The following ZNF395 variants were observed in gnomAD, a reference collection of about 807,000 sequenced individuals.
ZNF395 encodes HD gene regulatory region-binding protein 2.
ZNF395 carries 20 observed loss-of-function variants against 57.7 expected under a neutral mutation model. That is an observed-to-expected ratio of 0.35 (90% CI 0.24 to 0.50). The LOEUF is 0.50. Among genes scored for constraint, ZNF395 ranks in the 20% least tolerant of loss-of-function variants. ZNF395 has a pLI of 0.97. For synonymous variants in ZNF395, 295 were observed against 275.9 expected, an observed-to-expected ratio of 1.07 and a Z score of -0.69; for missense variants, 606 against 671.2, an observed-to-expected ratio of 0.90 and a Z score of 1.07.
Position 28,351,558 on chromosome 8 carries a change from T to A in ZNF395, c.1170A>T (p.Ser390=), listed in dbSNP as rs755417424. 1 of 1,613,714 alleles carries A rather than the reference T, an allele frequency of 6.2e-7. No homozygotes were observed. The highest frequency in any genetic ancestry group is 1.1e-5 in the South Asian group (1 of 91,074). Residue 390 remains serine (S), a synonymous_variant, in exon 7 of 10, where the codon TCA becomes TCT. Coordinates refer to ENST00000344423, the MANE Select transcript of ZNF395 (RefSeq NM_018660.3). The stretch of plus-strand genomic sequence containing the variant: ...CAGGAGCTGACTTGCTGAGAGCCCC[T>A]GAGGGCAGGGAGGACTCCGGGCCAG... ...EHPGPESSLP[S]GALSKSAPGS... is the part of the protein sequence containing the mutation.
intron 7 of ZNF395, among the ~76,000 whole-genome samples, chr8:28,351,224 A>G (rs1801678185): frequency 6.6e-6 from 1 of 152,214 alleles, no homozygotes; most frequent in Non-Finnish European, 1.5e-5. Context: ...CAGAGGTGTG[A>G]CAATTCCCCC....
At chr8:28,378,291 A>G (rs949286139) in intron 1 of ZNF395, among the ~76,000 whole-genome samples, 9 of 152,172 alleles carry the variant, frequency 5.9e-5, no homozygotes, top group African/African-American at 2.2e-4. Flanking sequence ...GTGTGCCACA[A>G]TCACGGCTCA....
At chr8:28,380,658 T>C (rs1802097823) in intron 1 of ZNF395, among the ~76,000 whole-genome samples, 2 of 152,212 alleles carry the variant, frequency 1.3e-5, no homozygotes, top group African/African-American at 4.8e-5. Flanking sequence ...CAAAAAACTG[T>C]TAAATACTTT....
At position 28,348,259 on chromosome 8, in the gene ZNF395, C is replaced by CTTTTTTTTT. The variant is rs58805614; in HGVS notation, c.*451_*459dup. 1 of 90,466 alleles carries CTTTTTTTTT rather than the reference C, an allele frequency of 1.1e-5. No individual in the cohort carries two copies. Among genetic ancestry groups the CTTTTTTTTT allele is most frequent in the African/African-American group, 4.2e-5 (1 of 23,608 alleles). The allele number at this position is 90,466 out of a possible 1,614,324, so 5.6% of individuals were successfully genotyped here. On this transcript the variant is annotated 3_prime_UTR_variant, in exon 10 of 10. Transcript: ENST00000344423. Reference sequence around the variant, plus strand: ...CTGAGTCACCCATCAGCCAGAAACTCTTTTTTTTTTTTTTTTTTTTTTTTT... The same window carrying CTTTTTTTTT: ...CTGAGTCACCCATCAGCCAGAAACTCTTTTTTTTTTTTTTTTTTTTTTTTTTTTTTTTTT...
At chr8:28,355,238 G>C (rs1280166226) in intron 4 of ZNF395, among the ~76,000 whole-genome samples, 4 of 152,078 alleles carry the variant, frequency 2.6e-5, no homozygotes, top group African/African-American at 7.2e-5. Flanking sequence ...ACACACACAT[G>C]CCATCCTAAC....
At chr8:28,377,468 T>C (rs1053346327) in intron 1 of ZNF395, among the ~76,000 whole-genome samples, 3 of 152,218 alleles carry the variant, frequency 2.0e-5, no homozygotes, top group East Asian at 1.9e-4. Context: ...TATGTTTTCC[T>C]GGAAAATCCC....
rs1801597246 is a variant in ZNF395, at chr8:28,346,144, T to C, written c.*2575A>G. On this transcript the variant is annotated 3_prime_UTR_variant, in exon 10 of 10. Transcript: ENST00000344423. ...CTGAATATGATTCCAAGAAATATTCTGAAAAAAGTCACATCGCTGGAATAA... is the reference window on the plus strand; with the variant it reads ...CTGAATATGATTCCAAGAAATATTCCGAAAAAAGTCACATCGCTGGAATAA... 6.6e-6 allele frequency: 1 copy of C among 152,122 alleles called. No individual in the cohort carries two copies. Among genetic ancestry groups the C allele is most frequent in the East Asian group, 1.9e-4 (1 of 5,198 alleles). 9.4% of individuals were successfully genotyped at this position (152,122 alleles called of 1,614,324 possible).
Position 28,349,207 on chromosome 8 carries a change from A to T in ZNF395, c.1348T>A (p.Phe450Ile), listed in dbSNP as rs1414584433. 2.6e-6 allele frequency: 4 copies of T among 1,555,426 alleles called. No homozygotes were observed. The highest frequency in any genetic ancestry group is 3.5e-6 in the Non-Finnish European group (4 of 1,151,452). Residue 450 changes from phenylalanine to isoleucine, a missense_variant, in exon 9 of 10, where the codon TTC becomes ATC. Physicochemically the swap from Phe to Ile is conservative, Grantham distance 21. This residue lies in a region of ZNF395 where 261 missense variants were observed against 240.3 expected (regional missense o/e 1.09). Coordinates refer to ENST00000344423, the MANE Select transcript of ZNF395 (RefSeq NM_018660.3). ...LSPVRSRSLSFSEPQQPAPAM... is the reference protein window; with the variant it reads ...LSPVRSRSLSISEPQQPAPAM... ...GGTGCTGGCTGCTGGGGCTCGCTGA[A>T]GCTTAGCGACCGGCTCCGGACCTGG...
intron 7 of ZNF395, among the ~76,000 whole-genome samples, chr8:28,351,248 G>C (rs533662815): frequency 6.6e-6 from 1 of 152,246 alleles, no homozygotes; most frequent in East Asian, 1.9e-4. Context: ...CAAATCCATC[G>C]CCCAGTTACT....
chr8:28,381,204 G>T (rs1436020788), intron 1 of ZNF395, among the ~76,000 whole-genome samples: 3 of 152,126 alleles, frequency 2.0e-5, no homozygotes, highest in Admixed American at 6.5e-5. Context: ...ACCACGCCCG[G>T]CTAATTTTTT....
intron 1 of ZNF395, among the ~76,000 whole-genome samples, chr8:28,371,277 T>G (rs554334024): frequency 6.6e-6 from 1 of 152,238 alleles, no homozygotes; most frequent in African/African-American, 2.4e-5. Context: ...ACCTCCCAGG[T>G]TCAAGCTATC....
Position 28,352,772 on chromosome 8 carries a change from T to G in ZNF395, c.820-99A>C. ...CTCAAACTGGCTGCTGTCCCCGGCC[T>G]GACCCAACAAAAACCTCCAGGAAAG... On this transcript the variant is annotated intron_variant, in intron 5 of 9. Coordinates refer to ENST00000344423, the MANE Select transcript of ZNF395 (RefSeq NM_018660.3). This position sits in a 1 kb window ranked among gnomAD's most constrained non-coding sequence, Gnocchi z 4.0. The G allele has an allele frequency of 9.7e-7, 1 of 1,033,824 alleles. No individual in the cohort carries two copies. The allele number at this position is 1,033,824 out of a possible 1,614,324, so 64.0% of individuals were successfully genotyped here. A position where few individuals can be genotyped will look rare whatever the true frequency, so the allele number is the denominator to read the frequency against.
At position 28,360,885 on chromosome 8, in the gene ZNF395, C is replaced by G. The variant is rs1801840307; in HGVS notation, c.240G>C (p.Lys80Asn). ...LQQVAFQPGQ[K>N]VYVWYGGQEC... ...CCTGTCCATGTTGGGATCAACCTAC[C>G]TTCTGCCCAGGCTGAAAGGCCACCT... Residue 80 changes from lysine (K) to asparagine (N), a missense_variant and splice_region_variant, in exon 2 of 10, where the codon AAG becomes AAC. Physicochemically the swap from Lys to Asn is moderately conservative, Grantham distance 94. This residue lies in a region of ZNF395 where 309 missense variants were observed against 374.7 expected (regional missense o/e 0.82). Transcript: ENST00000344423. 6.2e-7 allele frequency: 1 copy of G among 1,613,606 alleles called. No homozygotes were observed.
At chr8:28,373,109 G>A (rs1363699174) in intron 1 of ZNF395, among the ~76,000 whole-genome samples, 1 of 152,206 alleles carries the variant, frequency 6.6e-6, no homozygotes, top group Non-Finnish European at 1.5e-5. Context: ...GGTTGCCCTA[G>A]GCTCCAACTA....
chr8:28,384,423 T>C (rs1253893142), intron 1 of ZNF395, among the ~76,000 whole-genome samples: 1 of 152,206 alleles, frequency 6.6e-6, no homozygotes, highest in Non-Finnish European at 1.5e-5. Context: ...GACTGATCCC[T>C]GCCCACAACT....
At chr8:28,371,145 C>T (rs1005117280) in intron 1 of ZNF395, among the ~76,000 whole-genome samples, 5 of 152,200 alleles carry the variant, frequency 3.3e-5, no homozygotes, top group Non-Finnish European at 7.3e-5. Context: ...AATGACAGAA[C>T]TCAGAATGTG....
chr8:28,378,983 G>T (rs966250857), intron 1 of ZNF395, among the ~76,000 whole-genome samples: 1 of 152,210 alleles, frequency 6.6e-6, no homozygotes, highest in East Asian at 1.9e-4. Context: ...CAGCATGATC[G>T]CTGATCATTC....
intron 1 of ZNF395, among the ~76,000 whole-genome samples, chr8:28,378,718 A>G (rs1802075431): frequency 6.6e-6 from 1 of 152,198 alleles, no homozygotes; most frequent in African/African-American, 2.4e-5. Context: ...CAAGTCATAT[A>G]TTAAATAACT....
At chr8:28,358,690 G>C (rs949052934) in intron 3 of ZNF395, among the ~76,000 whole-genome samples, 1 of 152,192 alleles carries the variant, frequency 6.6e-6, no homozygotes, top group Non-Finnish European at 1.5e-5. Flanking sequence ...TCCCAAAGTG[G>C]TGGAGTTACA....
Sources: gnomAD v4.1 joint callset for allele counts (sites outside exome capture counted in the v4.1 genomes callset) on GRCh38, gnomAD v4.1.1 for gene constraint, gnomAD v4.1.1 regional missense constraint, Gnocchi (gnomAD v3.1) non-coding constraint, MANE v1.5 for transcripts, NCBI Gene and HGNC (gene_info 2026-07-23, HGNC 2026-07-21) for gene names.